The following COX7A2L variants were observed in gnomAD, a reference collection of about 807,000 sequenced individuals.
The protein encoded by COX7A2L is cytochrome c oxidase subunit 7A2 like.
COX7A2L carries 18 observed loss-of-function variants against 14.2 expected under a neutral mutation model. The ratio of observed to expected loss-of-function variants is 1.27; its 90% CI spans 0.88 to 1.88. The LOEUF (loss-of-function observed/expected upper bound fraction) is 1.88. Among genes scored for constraint, COX7A2L ranks in the 40% most tolerant of loss-of-function variants. The pLI, the probability that COX7A2L is intolerant of heterozygous loss-of-function variation, is 0.00. For synonymous variants in COX7A2L, 65 were observed against 57.4 expected (o/e 1.13, Z -0.60); for missense variants, 179 against 138.8 (o/e 1.29, Z -1.46).
At chr2:42,362,092 C>T (rs1056878873), upstream of COX7A2L, among the ~76,000 whole-genome samples, 3 of 152,168 alleles carry the variant, frequency 2.0e-5, no homozygotes, top group African/African-American at 7.2e-5. Context: ...TTTTCCTGGC[C>T]TCTGCTCTTT....
chr2:42,349,594 T>TTG lies in COX7A2L; in HGVS notation c.*1624_*1625insCA, dbSNP rs1670577189. The stretch of plus-strand genomic sequence containing the variant: ...AATGAATTGTACACTTGAGGTGAAC[T>TTG]GTACAGTATGTAAATTATATCCCAA... On this transcript the variant is annotated 3_prime_UTR_variant, in exon 3 of 3. Transcript: ENST00000234301. 1 of 152,248 alleles carries TTG rather than the reference T, an allele frequency of 6.6e-6. No homozygotes were observed. Among genetic ancestry groups the TTG allele is most frequent in the Admixed American group, 6.5e-5 (1 of 15,286 alleles). The allele number at this position is 152,248 out of a possible 1,614,324, so 9.4% of individuals were successfully genotyped here.
chr2:42,346,755 G>C (rs1670505013), downstream of COX7A2L, among the ~76,000 whole-genome samples: 1 of 150,296 alleles, frequency 6.7e-6, no homozygotes, highest in African/African-American at 2.5e-5. Context: ...GTGAGACCCT[G>C]TCTCAAAAAA....
upstream of COX7A2L, among the ~76,000 whole-genome samples, chr2:42,362,847 T>G (rs1394513637): frequency 1.3e-5 from 2 of 151,680 alleles, no homozygotes; most frequent in Non-Finnish European, 2.9e-5. Flanking sequence ...ATAAGTGGTT[T>G]GGGACTAGTG....
rs11547561 is a variant in COX7A2L at position 42,351,314 on chromosome 2, G to C, written c.250C>G (p.Gln84Glu). 6.2e-7 allele frequency: 1 copy of C among 1,614,132 alleles called. No homozygotes were observed. The highest frequency in any genetic ancestry group is 8.5e-7 in the Non-Finnish European group (1 of 1,180,028). The stretch of plus-strand genomic sequence containing the variant: ...GCCATGGTGGTCCGGTAAAGCATTT[G>C]GTCAGGCAGGCCTCGTTTCAGGTAG... ...PVYLKRGLPD[Q>E]MLYRTTMALT... Residue 84 changes from glutamine (Q) to glutamate (E), a missense_variant, in exon 3 of 3, where the codon CAA becomes GAA. Physicochemically the swap from Gln to Glu is conservative, Grantham distance 29. Transcript: ENST00000234301.
chr2:42,346,964 T>C (rs896279423), downstream of COX7A2L, among the ~76,000 whole-genome samples: 3 of 152,192 alleles, frequency 2.0e-5, no homozygotes, highest in Non-Finnish European at 4.4e-5. Context: ...CAGGCTGAAA[T>C]GCAGTGGCGC....
chr2:42,345,441 C>A (rs571189733), downstream of COX7A2L, among the ~76,000 whole-genome samples: 2 of 152,112 alleles, frequency 1.3e-5, no homozygotes, highest in Non-Finnish European at 2.9e-5. Flanking sequence ...TAGCTGGCTC[C>A]TCCTTCAATT....
Position 42,353,303 on chromosome 2 carries a change from A to ATGAT in COX7A2L, c.109_112dup (p.Ile38AsnfsTer8). ...GGTCAGTTTAGTTGGTGTGGCAAAT[A>ATGAT]TGATAGGTGGTGCTTCTGTGGAAAC... On this transcript the variant is annotated frameshift_variant, in exon 2 of 3. Transcript: ENST00000234301. LOFTEE classifies it high-confidence loss of function. 6.2e-7 allele frequency: 1 copy of ATGAT among 1,614,094 alleles called. No homozygotes were observed. The highest frequency in any genetic ancestry group is 8.5e-7 in the Non-Finnish European group (1 of 1,179,982).
rs1403146133 is a variant in COX7A2L, at chr2:42,339,617, T to C, written c.193-5748A>G. The stretch of plus-strand genomic sequence containing the variant: ...CCTCCCTCCTGCCTTGCTTTCCTCC[T>C]TTCTTATTTTTAACACTTTTTAAAT... On this transcript the variant is annotated intron_variant, in intron 2 of 2. Transcript: ENST00000468711. This position sits in a 1 kb window ranked among gnomAD's most constrained non-coding sequence, Gnocchi z 5.4. Among the ~76,000 whole-genome samples the C allele has an allele frequency of 3.3e-5, 5 of 152,088 alleles. No homozygotes were observed. Among genetic ancestry groups the C allele is most frequent in the Non-Finnish European group, 7.4e-5 (5 of 68,026 alleles).
intron 2 of COX7A2L, chr2:42,352,998 T>C (rs551895736): frequency 1.7e-6 from 1 of 602,798 alleles, no homozygotes; most frequent in African/African-American, 1.9e-5. Context: ...CACCCTTAAA[T>C]ACTAATGAGG....
At chr2:42,347,400 T>A (rs917820619), downstream of COX7A2L, among the ~76,000 whole-genome samples, 2 of 150,810 alleles carry the variant, frequency 1.3e-5, no homozygotes, top group Non-Finnish European at 2.9e-5. Context: ...GAAATGATCC[T>A]AGAAATATAT....
At chr2:42,367,282 C>A (rs538887666) in intron 1 of COX7A2L, among the ~76,000 whole-genome samples, 9 of 152,168 alleles carry the variant, frequency 5.9e-5, no homozygotes, top group Non-Finnish European at 1.3e-4. Context: ...GTTACTTCCC[C>A]ACTCTGAGTC....
At position 42,338,646 on chromosome 2, in the gene COX7A2L, C is replaced by T. The variant is rs891994647; in HGVS notation, c.193-4777G>A. Among the ~76,000 whole-genome samples, 2 of 152,152 alleles carry T rather than the reference C, an allele frequency of 1.3e-5. No homozygotes were observed. Among genetic ancestry groups the T allele is most frequent in the Non-Finnish European group, 2.9e-5 (2 of 68,034 alleles). On this transcript the variant is annotated intron_variant, in intron 2 of 2. Coordinates refer to the COX7A2L transcript ENST00000468711. This position sits in a 1 kb window ranked among gnomAD's most constrained non-coding sequence, Gnocchi z 4.4. Reference sequence around the variant, plus strand: ...ACCGTAGAGCCTTAGTGTGATTCAACTCCATCCCCACCTGGCGGTCAGCCT... The same window carrying T: ...ACCGTAGAGCCTTAGTGTGATTCAATTCCATCCCCACCTGGCGGTCAGCCT...
rs1041123387 is a variant in COX7A2L, at chr2:42,351,511, C to G, written c.205-152G>C. On this transcript the variant is annotated intron_variant, in intron 2 of 2. Transcript: ENST00000234301. ...AATCCATGGAATGCTAGTAGAAGTT[C>G]CTATAAATGTAGCTAAAGCTTGTAA... is the stretch of plus-strand genomic sequence containing the variant. The G allele has an allele frequency of 4.4e-6, 4 of 917,782 alleles. No individual in the cohort carries two copies. The African/African-American group carries it at 5.0e-5, about 12-fold the overall frequency. The allele number at this position is 917,782 out of a possible 1,614,324, so 56.9% of individuals were successfully genotyped here. A position where few individuals can be genotyped will look rare whatever the true frequency, so the allele number is the denominator to read the frequency against.
At chr2:42,364,280 G>C (rs1371477152), upstream of COX7A2L, among the ~76,000 whole-genome samples, 1 of 149,772 alleles carries the variant, frequency 6.7e-6, no homozygotes, top group Non-Finnish European at 1.5e-5. Flanking sequence ...AATTGACAGT[G>C]GGTCTGGCAG....
At position 42,349,343 on chromosome 2, in the gene COX7A2L, T is replaced by C. The variant is rs1216854599; in HGVS notation, c.*1876A>G. 1 of 152,204 alleles carries C rather than the reference T, an allele frequency of 6.6e-6. No homozygotes were observed. Among genetic ancestry groups the C allele is most frequent in the East Asian group, 1.9e-4 (1 of 5,200 alleles). 9.4% of individuals were successfully genotyped at this position (152,204 alleles called of 1,614,324 possible). On this transcript the variant is annotated 3_prime_UTR_variant, in exon 3 of 3. Transcript: ENST00000234301. ...ATGACACTGAGAGAAGCCAGTCACG[T>C]ACATCACACATCATATGATTATATT...
At chr2:42,348,086 A>G (rs1434374111), downstream of COX7A2L, among the ~76,000 whole-genome samples, 1 of 152,230 alleles carries the variant, frequency 6.6e-6, no homozygotes, top group Non-Finnish European at 1.5e-5. Flanking sequence ...CACAGAAGCC[A>G]CATTTCAGCA....
chr2:42,343,418 T>C (rs1422594019), intron 2 of COX7A2L, among the ~76,000 whole-genome samples: 5 of 152,168 alleles, frequency 3.3e-5, no homozygotes, highest in Non-Finnish European at 7.3e-5. Context: ...TAATTAAATG[T>C]CTAGAATAAC....
At position 42,352,077 on chromosome 2, in the gene COX7A2L, T is replaced by C. The variant is rs868205739; in HGVS notation, c.205-718A>G. Among the ~76,000 whole-genome samples, 4 of 152,206 alleles carry C rather than the reference T, an allele frequency of 2.6e-5. No individual in the cohort carries two copies. In the South Asian group the frequency reaches 8.3e-4, roughly 31 times the overall value. On this transcript the variant is annotated intron_variant, in intron 2 of 2. Transcript: ENST00000234301. ...ATGGGGTCGGAGTACCTCATGTCAA[T>C]AGGTTCAAGTCCATTTGGCATTCAA... is the stretch of plus-strand genomic sequence containing the variant.
intron 2 of COX7A2L, among the ~76,000 whole-genome samples, chr2:42,337,546 A>G (rs1027246081): frequency 6.6e-5 from 10 of 152,132 alleles, no homozygotes; most frequent in African/African-American, 1.9e-4. Flanking sequence ...CCATGAATCT[A>G]CACGTGGGGT....
Sources: gnomAD v4.1 joint callset for allele counts (sites outside exome capture counted in the v4.1 genomes callset) on GRCh38, gnomAD v4.1.1 for gene constraint, Gnocchi (gnomAD v3.1) non-coding constraint, MANE v1.5 for transcripts, NCBI Gene and HGNC (gene_info 2026-07-23, HGNC 2026-07-21) for gene names.